Variants in GRID2 observed in about 807,000 individuals in gnomAD.
The protein encoded by GRID2 is glutamate receptor ionotropic, delta-2.
In GRID2, 33 loss-of-function variants were observed where a neutral mutation model predicts 114.8. That is an observed-to-expected ratio of 0.29 (90% CI 0.22 to 0.38). The LOEUF (loss-of-function observed/expected upper bound fraction) is 0.38. Among genes scored for constraint, GRID2 ranks in the 10% least tolerant of loss-of-function variants. The pLI is 1.00. For synonymous variants in GRID2, 505 were observed against 449.9 expected (o/e 1.12, Z -1.55); for missense variants, 1,184 against 1,257.7 (o/e 0.94, Z 0.89).
chr4:92,594,632 C>T (rs1579647252), intron 2 of GRID2, among the ~76,000 whole-genome samples: 1 of 152,042 alleles, frequency 6.6e-6, no homozygotes, highest in Middle Eastern at 3.4e-3. Context: ...CAACTATTCA[C>T]CACAACCCAC....
intron 1 of GRID2, among the ~76,000 whole-genome samples, chr4:92,380,808 T>C (rs1268388131): frequency 3.9e-5 from 6 of 152,028 alleles, no homozygotes; most frequent in South Asian, 2.1e-4. Flanking sequence ...AGTTGTAAAT[T>C]TGACTAATTA....
chr4:92,725,804 C>T (rs1198729227), intron 2 of GRID2, among the ~76,000 whole-genome samples: 5 of 152,120 alleles, frequency 3.3e-5, no homozygotes, highest in Non-Finnish European at 7.4e-5. Context: ...TATAGCCTCA[C>T]AGATTTCCTA....
At chr4:92,423,204 G>C (rs1486474172) in intron 1 of GRID2, among the ~76,000 whole-genome samples, 2 of 152,108 alleles carry the variant, frequency 1.3e-5, no homozygotes, top group Non-Finnish European at 2.9e-5. Context: ...CTACCTTGTA[G>C]GTAGAGCTAT....
intron 2 of GRID2, among the ~76,000 whole-genome samples, chr4:92,741,959 G>A (rs749130535): frequency 1.2e-4 from 19 of 152,092 alleles, no homozygotes; most frequent in Non-Finnish European, 2.4e-4. Context: ...ACTCTGGCTC[G>A]AAATGTTTGT....
At chr4:92,412,291 C>T (rs1731377041) in intron 1 of GRID2, among the ~76,000 whole-genome samples, 1 of 152,010 alleles carries the variant, frequency 6.6e-6, no homozygotes, top group African/African-American at 2.4e-5. Flanking sequence ...TATGTGCCAA[C>T]TTATTTATTG....
intron 8 of GRID2, among the ~76,000 whole-genome samples, chr4:93,305,597 T>C (rs929787620): frequency 2.6e-5 from 4 of 152,054 alleles, no homozygotes; most frequent in Non-Finnish European, 5.9e-5. Flanking sequence ...AATAGCACAA[T>C]TGTTTGGGTA....
chr4:93,703,464 C>T (rs1005737221), intron 14 of GRID2, among the ~76,000 whole-genome samples: 6 of 151,950 alleles, frequency 3.9e-5, no homozygotes, highest in Non-Finnish European at 8.8e-5. Context: ...ACTGTAGTCA[C>T]CCTGTTGTGG....
chr4:93,186,912 G>A (rs1462053853), intron 4 of GRID2, among the ~76,000 whole-genome samples: 1 of 152,144 alleles, frequency 6.6e-6, no homozygotes, highest in Non-Finnish European at 1.5e-5. Flanking sequence ...TCACAGTTAT[G>A]GAGGCTAAGA....
At chr4:92,374,529 T>C (rs1272044380) in intron 1 of GRID2, among the ~76,000 whole-genome samples, 1 of 152,152 alleles carries the variant, frequency 6.6e-6, no homozygotes, top group African/African-American at 2.4e-5. Flanking sequence ...CAGGACCTCC[T>C]GAGGGCTGTG....
At chr4:92,914,984 A>C (rs75418814) in intron 2 of GRID2, among the ~76,000 whole-genome samples, 1 of 152,288 alleles carries the variant, frequency 6.6e-6, no homozygotes, top group Non-Finnish European at 1.5e-5. Context: ...GGTAATATAA[A>C]GGAAACAGAT....
chr4:93,369,529 G>A (rs936730724), intron 8 of GRID2, among the ~76,000 whole-genome samples: 5 of 152,074 alleles, frequency 3.3e-5, no homozygotes, highest in Admixed American at 6.6e-5. Flanking sequence ...TTGCTCTGTT[G>A]TCAAGGCTGG....
intron 9 of GRID2, among the ~76,000 whole-genome samples, chr4:93,413,833 C>A (rs890139179): frequency 6.6e-6 from 1 of 152,126 alleles, no homozygotes; most frequent in African/African-American, 2.4e-5. Context: ...ATGCTTTCCT[C>A]CATTAAATTT....
chr4:92,497,031 G>C (rs1399346358), intron 1 of GRID2, among the ~76,000 whole-genome samples: 1 of 151,608 alleles, frequency 6.6e-6, no homozygotes, highest in Non-Finnish European at 1.5e-5. Flanking sequence ...ATATAAGAAA[G>C]TCATAAATCT....
chr4:92,384,492 A>T, intron 1 of GRID2, among the ~76,000 whole-genome samples: 2 of 48,872 alleles, frequency 4.1e-5, no homozygotes, highest in African/African-American at 1.9e-4. Flanking sequence ...TTTATATATA[A>T]TAAAAATATA....
At chr4:92,342,515 A>G (rs1001122049) in intron 1 of GRID2, among the ~76,000 whole-genome samples, 11 of 152,326 alleles carry the variant, frequency 7.2e-5, no homozygotes, top group Non-Finnish European at 1.2e-4. Context: ...TTTAGAAGCA[A>G]CAGTCTTACA....
chr4:92,719,459 C>G (rs940619025), intron 2 of GRID2, among the ~76,000 whole-genome samples: 1 of 152,146 alleles, frequency 6.6e-6, no homozygotes, highest in African/African-American at 2.4e-5. Flanking sequence ...GATCGTTACT[C>G]TTTCATCCTC....
intron 2 of GRID2, among the ~76,000 whole-genome samples, chr4:93,065,313 G>A (rs1255558227): frequency 2.6e-5 from 4 of 151,766 alleles, no homozygotes; most frequent in Admixed American, 1.3e-4. Flanking sequence ...ATTGACATTG[G>A]TTTCATCACA....
intron 1 of GRID2, among the ~76,000 whole-genome samples, chr4:92,397,926 G>A (rs1730585445): frequency 6.9e-6 from 1 of 143,908 alleles, no homozygotes. Context: ...TGTGGCCTGG[G>A]GAAACTAGAA....
chr4:93,675,499 A>G (rs1378199315), intron 14 of GRID2, among the ~76,000 whole-genome samples: 2 of 152,190 alleles, frequency 1.3e-5, no homozygotes, highest in Non-Finnish European at 2.9e-5. Context: ...CACTCTTCTA[A>G]GTGCTTATCA....
Sources: gnomAD v4.1 joint callset for allele counts (sites outside exome capture counted in the v4.1 genomes callset) on GRCh38, gnomAD v4.1.1 for gene constraint, MANE v1.5 for transcripts, NCBI Gene and HGNC (gene_info 2026-07-23, HGNC 2026-07-21) for gene names.